The following ACSF2 variants were observed in gnomAD, a reference collection of about 807,000 sequenced individuals.
The protein encoded by ACSF2 is medium-chain acyl-CoA ligase ACSF2, mitochondrial.
ACSF2 carries 52 observed loss-of-function variants against 79.3 expected under a neutral mutation model. The ratio of observed to expected loss-of-function variants is 0.66; its 90% confidence interval spans 0.53 to 0.83. The LOEUF (loss-of-function observed/expected upper bound fraction) is 0.83. ACSF2 is among the 40% of genes least tolerant of loss of function. The pLI is 0.00. For synonymous variants in ACSF2, 283 were observed against 312.6 expected, an observed-to-expected ratio of 0.91 and a Z score of 1.00; for missense variants, 661 against 803.3, an observed-to-expected ratio of 0.82 and a Z score of 2.14.
chr17:50,468,635 C>A (rs1391782299), intron 10 of ACSF2: 6 of 1,614,096 alleles, frequency 3.7e-6, no homozygotes, highest in Non-Finnish European at 5.1e-6. Context: ...GAAGTTGTTG[C>A]GCTGTAGGTT....
At chr17:50,472,705 G>C in intron 12 of ACSF2, 126 bp downstream of exon 12, 1 of 1,206,734 alleles carries the variant, frequency 8.3e-7, no homozygotes, top group South Asian at 1.8e-5. Flanking sequence ...TCACATGCTG[G>C]AGTCTTAATT....
intron 1 of ACSF2, among the ~76,000 whole-genome samples, chr17:50,452,293 T>C (rs78234542): frequency 0.017 from 2,589 of 152,104 alleles, 98 homozygotes; most frequent in African/African-American, 0.059. Context: ...CCATGTCGCA[T>C]TGAAAAAAAA....
chr17:50,460,605 T>C, intron 1 of ACSF2, 72 bp from the exon 2 acceptor site: 2 of 1,434,006 alleles, frequency 1.4e-6, no homozygotes, highest in Non-Finnish European at 1.9e-6. Context: ...CTGGCTTGGC[T>C]GGGTGTGCCA....
intron 1 of ACSF2, among the ~76,000 whole-genome samples, chr17:50,438,481 T>G (rs1475099835): frequency 6.6e-6 from 1 of 152,218 alleles, no homozygotes; most frequent in Non-Finnish European, 1.5e-5. Flanking sequence ...ATATTTAGCA[T>G]TGCTGGACTT....
intron 1 of ACSF2, among the ~76,000 whole-genome samples, chr17:50,438,935 A>G (rs2030655667): frequency 6.6e-6 from 1 of 152,246 alleles, no homozygotes. Context: ...AGGGCTGACT[A>G]TATCTTGTAT....
At chr17:50,436,676 C>T (rs1417016293) in intron 1 of ACSF2, among the ~76,000 whole-genome samples, 2 of 151,598 alleles carry the variant, frequency 1.3e-5, no homozygotes, top group Non-Finnish European at 2.9e-5. Context: ...TCAGGTGATC[C>T]ACCTACCTCG....
intron 1 of ACSF2, among the ~76,000 whole-genome samples, chr17:50,433,861 G>T (rs1336377799): frequency 6.6e-6 from 1 of 151,966 alleles, no homozygotes; most frequent in African/African-American, 2.4e-5. Flanking sequence ...CTGGGCTCAA[G>T]CGATCCTCCC....
chr17:50,469,083 C>G, intron 10 of ACSF2: 1 of 1,226,260 alleles, frequency 8.2e-7, no homozygotes, highest in Non-Finnish European at 1.0e-6. Flanking sequence ...GGCCCCCGAG[C>G]CCCGAGCCCT....
intron 10 of ACSF2, chr17:50,465,321 AC>A: frequency 1.2e-6 from 2 of 1,612,476 alleles, no homozygotes; most frequent in Non-Finnish European, 1.7e-6. Context: ...GCTTTCTTGG[AC>A]CTCTTGGTGG....
chr17:50,433,900 C>T (rs1417725601), intron 1 of ACSF2, among the ~76,000 whole-genome samples: 2 of 151,844 alleles, frequency 1.3e-5, no homozygotes, highest in Non-Finnish European at 2.9e-5. Context: ...GCTGGGATTA[C>T]AGGTGTGACC....
chr17:50,452,788 C>T (rs1049345400), intron 1 of ACSF2, among the ~76,000 whole-genome samples: 6 of 152,148 alleles, frequency 3.9e-5, no homozygotes, highest in Non-Finnish European at 2.9e-5. Context: ...CTTCCTCTTT[C>T]GAAATGATGG....
At chr17:50,436,125 AT>A (rs1230163212) in intron 1 of ACSF2, among the ~76,000 whole-genome samples, 1 of 150,528 alleles carries the variant, frequency 6.6e-6, no homozygotes, top group Non-Finnish European at 1.5e-5. Flanking sequence ...GTTATTTTTT[AT>A]TTTTTTTATT....
intron 1 of ACSF2, among the ~76,000 whole-genome samples, chr17:50,452,657 G>A (rs184822879): frequency 1.8e-4 from 28 of 152,108 alleles, no homozygotes; most frequent in African/African-American, 6.0e-4. Flanking sequence ...CGTTCTACAC[G>A]TGTATCCCAG....
chr17:50,461,610 T>C, intron 3 of ACSF2, 23 bp from the exon 4 acceptor site: 2 of 1,614,062 alleles, frequency 1.2e-6, no homozygotes, highest in Non-Finnish European at 1.7e-6. Flanking sequence ...AGAATACTGA[T>C]ATGCCCTCGC....
intron 3 of ACSF2, 66 bp downstream of exon 3, chr17:50,461,436 C>T (rs1021614599): frequency 2.5e-6 from 4 of 1,606,834 alleles, no homozygotes; most frequent in Admixed American, 3.4e-5. Context: ...GGGAGCCCCT[C>T]AGGCCCTCAG....
chr17:50,465,220 A>G (rs1389818333), intron 10 of ACSF2: 1 of 1,568,900 alleles, frequency 6.4e-7, no homozygotes, highest in African/African-American at 1.4e-5. Flanking sequence ...GCCAGGGGGT[A>G]TCCTGGAAGA....
rs182540350 is a variant in ACSF2 at position 50,445,561 on chromosome 17, A to G, written c.129-15116A>G. Among the ~76,000 whole-genome samples the G allele has an allele frequency of 1.1e-3, 169 of 152,228 alleles. 2 individuals carry two copies. The highest frequency in any genetic ancestry group is 3.9e-3 in the African/African-American group (164 of 41,544). ...TGTAATCCCAACACTTTGGGAGGCCAAGGCAGGAAGAATGCTTGAGCTCAG... is the reference window on the plus strand; with the variant it reads ...TGTAATCCCAACACTTTGGGAGGCCGAGGCAGGAAGAATGCTTGAGCTCAG... On this transcript the variant is annotated intron_variant, in intron 1 of 15. Coordinates refer to ENST00000300441, the MANE Select transcript of ACSF2 (RefSeq NM_025149.6).
At chr17:50,430,120 G>A (rs768591102) in intron 1 of ACSF2, among the ~76,000 whole-genome samples, 1 of 152,204 alleles carries the variant, frequency 6.6e-6, no homozygotes, top group African/African-American at 2.4e-5. Context: ...AGAATTAGGT[G>A]TGGTGCTCAG....
intron 6 of ACSF2, chr17:50,462,888 C>T (rs149783428): frequency 8.1e-5 from 47 of 579,416 alleles, no homozygotes; most frequent in East Asian, 4.0e-4. Flanking sequence ...GAATCAGAGA[C>T]GCAGAAGAGA....
Sources: allele counts gnomAD v4.1 joint callset (sites outside exome capture counted in the v4.1 genomes callset), GRCh38; gene constraint gnomAD v4.1.1; transcripts MANE v1.5; gene names NCBI Gene and HGNC (gene_info 2026-07-23, HGNC 2026-07-21).